The following DMD variants were observed in gnomAD, a reference collection of about 807,000 sequenced individuals.
The protein encoded by DMD is mutant dystrophin.
DMD carries 63 observed loss-of-function variants against 330.1 expected under a neutral mutation model. The observed-to-expected ratio is 0.19, with a 90% CI of 0.16 to 0.24. DMD has a LOEUF of 0.24. Ranked by LOEUF, DMD falls within the 10% of genes least tolerant of loss-of-function variation. The pLI is 1.00. For synonymous variants in DMD, 1,223 were observed against 959.8 expected (o/e 1.27, Z -5.07); for missense variants, 3,344 against 2,684.1 (o/e 1.25, Z -5.43).
intron 1 of DMD, among the ~76,000 whole-genome samples, chrX:33,286,868 A>G (rs1274453850): frequency 8.9e-6 from 1 of 112,311 alleles, no homozygotes; most frequent in Non-Finnish European, 1.9e-5. Flanking sequence ...ATTTGTGTCA[A>G]TTCAGAGCTT....
intron 51 of DMD, among the ~76,000 whole-genome samples, chrX:31,758,122 TTAAG>T (rs1199198452): frequency 9.0e-6 from 1 of 111,401 alleles, no homozygotes; most frequent in African/African-American, 3.3e-5. Flanking sequence ...GATATTATCT[TTAAG>T]TAAGTAAACC....
chrX:32,135,802 A>G (rs1198454632), intron 44 of DMD, among the ~76,000 whole-genome samples: 1 of 112,746 alleles, frequency 8.9e-6, no homozygotes, highest in Non-Finnish European at 1.9e-5. Context: ...ATTTTCTATT[A>G]AAATATATAC....
At chrX:31,349,456 C>G (rs1303221499) in intron 60 of DMD, among the ~76,000 whole-genome samples, 1 of 112,191 alleles carries the variant, frequency 8.9e-6, no homozygotes, top group Non-Finnish European at 1.9e-5. Context: ...GAAGTACAGG[C>G]AAGGCTTAAA....
intron 13 of DMD, among the ~76,000 whole-genome samples, chrX:32,583,983 T>G (rs1291203705): frequency 9.0e-6 from 1 of 111,314 alleles, no homozygotes; most frequent in Non-Finnish European, 1.9e-5. Flanking sequence ...AAACTTCTGT[T>G]TATGAAGAGA....
At chrX:31,262,824 C>G (rs2050658412) in intron 62 of DMD, among the ~76,000 whole-genome samples, 1 of 112,757 alleles carries the variant, frequency 8.9e-6, no homozygotes, top group Non-Finnish European at 1.9e-5. Context: ...CACAAGGAGG[C>G]TGCAGCTTGC....
chrX:33,183,625 A>G (rs1353919160), intron 1 of DMD, among the ~76,000 whole-genome samples: 2 of 111,303 alleles, frequency 1.8e-5, no homozygotes, highest in Non-Finnish European at 3.8e-5. Flanking sequence ...TCCTGCCTAG[A>G]CACCCAACCC....
intron 42 of DMD, among the ~76,000 whole-genome samples, chrX:32,304,159 G>A: frequency 9.0e-6 from 1 of 111,011 alleles, no homozygotes; most frequent in Non-Finnish European, 1.9e-5. Context: ...CATTATAACT[G>A]GTCGAAGCAC....
chrX:32,823,532 TAAAC>T, intron 4 of DMD, 145 bp from the exon 5 acceptor site: 2 of 463,231 alleles, frequency 4.3e-6, no homozygotes, highest in Non-Finnish European at 7.6e-6. Flanking sequence ...ATCTAAAAAT[TAAAC>T]AAAATGCATG....
At chrX:33,238,071 C>G (rs1007022988) in intron 1 of DMD, among the ~76,000 whole-genome samples, 9 of 112,567 alleles carry the variant, frequency 8.0e-5, no homozygotes, top group Admixed American at 4.7e-4. Context: ...AGCCGGAATA[C>G]ATTTATTCCT....
intron 60 of DMD, among the ~76,000 whole-genome samples, chrX:31,435,834 A>G (rs1052489747): frequency 8.9e-6 from 1 of 111,775 alleles, no homozygotes; most frequent in African/African-American, 3.3e-5. Flanking sequence ...GAAAACAACC[A>G]GTGCAAACAA....
chrX:31,655,390 G>A (rs191106341), intron 54 of DMD, among the ~76,000 whole-genome samples: 10 of 110,870 alleles, frequency 9.0e-5, no homozygotes, highest in Admixed American at 8.7e-4. Flanking sequence ...ATTGTGCCTT[G>A]AGTCTCACCC....
At chrX:31,456,880 A>G (rs754338244) in intron 59 of DMD, among the ~76,000 whole-genome samples, 2,216 of 85,645 alleles carry the variant, frequency 0.026, 72 homozygotes, top group African/African-American at 0.11. Flanking sequence ...GTGTGTGTAT[A>G]TATATATATA....
At chrX:31,819,336 G>A (rs1315903220) in intron 50 of DMD, among the ~76,000 whole-genome samples, 3 of 112,438 alleles carry the variant, frequency 2.7e-5, no homozygotes, top group Admixed American at 1.9e-4. Flanking sequence ...CTAAAAATGG[G>A]AGAGCTCTTA....
chrX:31,686,203 C>T (rs979036901), intron 52 of DMD, among the ~76,000 whole-genome samples: 1 of 112,421 alleles, frequency 8.9e-6, no homozygotes, highest in African/African-American at 3.2e-5. Flanking sequence ...AGTGCACAAA[C>T]TAGTGTTTGG....
chrX:32,763,458 G>C (rs1603380097), intron 7 of DMD, among the ~76,000 whole-genome samples: 1 of 111,791 alleles, frequency 8.9e-6, no homozygotes, highest in Admixed American at 9.5e-5. Context: ...TGAAAACAGT[G>C]TTTGTCTGCT....
chrX:31,935,121 A>G (rs1040747137), intron 45 of DMD, among the ~76,000 whole-genome samples: 6 of 111,459 alleles, frequency 5.4e-5, no homozygotes, highest in African/African-American at 2.0e-4. Flanking sequence ...CCAAACATTC[A>G]TTGAAGTGAG....
intron 44 of DMD, among the ~76,000 whole-genome samples, chrX:32,072,179 C>T (rs542481758): frequency 9.9e-5 from 11 of 111,163 alleles, no homozygotes; most frequent in African/African-American, 2.9e-4. Flanking sequence ...GTATCTTGAG[C>T]GGTTGGGTGC....
At chrX:32,989,247 A>G (rs1020487289) in intron 2 of DMD, among the ~76,000 whole-genome samples, 3 of 111,680 alleles carry the variant, frequency 2.7e-5, no homozygotes, top group Non-Finnish European at 3.8e-5. Context: ...GAAAAAAGTA[A>G]AAATCAAAAT....
At chrX:33,096,265 C>T (rs1364298224) in intron 1 of DMD, among the ~76,000 whole-genome samples, 2 of 110,957 alleles carry the variant, frequency 1.8e-5, no homozygotes, top group East Asian at 2.8e-4. Flanking sequence ...TGAGCCACCG[C>T]GCCCGGCCTT....
Sources: gnomAD v4.1 joint callset for allele counts (sites outside exome capture counted in the v4.1 genomes callset) on GRCh38, gnomAD v4.1.1 for gene constraint, MANE v1.5 for transcripts, NCBI Gene and HGNC (gene_info 2026-07-23, HGNC 2026-07-21) for gene names.